The following TBX4 variants were observed in gnomAD, a reference collection of about 807,000 sequenced individuals.
TBX4 encodes T-box transcription factor 4.
A neutral mutation model predicts 54.6 loss-of-function variants in TBX4; 13 were observed. The ratio of observed to expected loss-of-function variants is 0.24; its 90% CI spans 0.15 to 0.38. The LOEUF is 0.38. Ranked by LOEUF, TBX4 falls within the 10% of genes least tolerant of loss-of-function variation. The pLI is 1.00. For synonymous variants in TBX4, 314 were observed against 306.7 expected (o/e 1.02, Z -0.25); for missense variants, 631 against 728.5 (o/e 0.87, Z 1.54).
chr17:61,466,160 C>T (rs1342525464), intron 4 of TBX4, among the ~76,000 whole-genome samples: 2 of 152,030 alleles, frequency 1.3e-5, no homozygotes, highest in Non-Finnish European at 2.9e-5. Flanking sequence ...AAAGCAGCTG[C>T]GTGTTTGGGA....
At position 61,472,778 on chromosome 17, in the gene TBX4, G is replaced by T. The variant is rs2060590204; in HGVS notation, c.549+5121G>T. On this transcript the variant is annotated intron_variant, in intron 5 of 8. Coordinates refer to ENST00000644296, the MANE Select transcript of TBX4 (RefSeq NM_001321120.2). This position sits in a 1 kb window ranked among gnomAD's most constrained non-coding sequence, Gnocchi z 4.5. ...AAATTTATCCTGGCATTGATTTGAG[G>T]TGTGAATCCAATTTTTTTTTTTTTT... Among the ~76,000 whole-genome samples the T allele has an allele frequency of 6.7e-6, 1 of 149,774 alleles. No homozygotes were observed. The highest frequency in any genetic ancestry group is 6.6e-5 in the Admixed American group (1 of 15,190).
rs763453760 is a variant in TBX4 at position 61,483,489 on chromosome 17, G to A, written c.1614G>A (p.Gly538=). ...CCTTACAGTACCATTCAGGAATGGG[G>A]ACTGTGGAGAACTGGACTGACGGAT... The part of the protein sequence containing the change: ...ESSLQYHSGM[G]TVENWTDG Residue 538 remains glycine, a synonymous_variant, in exon 9 of 9, where the codon GGG becomes GGA. Transcript: ENST00000644296. The surrounding 1 kb of genome is among the most constrained non-coding windows in gnomAD (Gnocchi z 6.6). 14 of 1,614,040 alleles carry A rather than the reference G, an allele frequency of 8.7e-6. No individual in the cohort carries two copies. In the South Asian group the frequency reaches 1.5e-4, roughly 18 times the overall value.
At chr17:61,453,123 A>T in intron 1 of TBX4, 1 of 472,716 alleles carries the variant, frequency 2.1e-6, no homozygotes, top group Non-Finnish European at 2.8e-6. Flanking sequence ...AGAAAGGGCT[A>T]ATCGGCATAA....
intron 3 of TBX4, among the ~76,000 whole-genome samples, chr17:61,463,925 G>A (rs1181692799): frequency 2.0e-5 from 3 of 152,200 alleles, no homozygotes; most frequent in Non-Finnish European, 2.9e-5. Flanking sequence ...CACCAGGAGA[G>A]AGGCAGGGCC....
intron 5 of TBX4, among the ~76,000 whole-genome samples, chr17:61,471,149 T>C (rs2060574869): frequency 6.6e-6 from 1 of 152,198 alleles, no homozygotes; most frequent in Non-Finnish European, 1.5e-5. Context: ...GCGACTTCCT[T>C]CTAGCCACTG....
rs868058770 is a variant in TBX4 at position 61,480,403 on chromosome 17, C to A, written c.1021+84C>A. 104 of 1,118,822 alleles carry A rather than the reference C, an allele frequency of 9.3e-5. No individual in the cohort carries two copies. Among genetic ancestry groups the A allele is most frequent in the Middle Eastern group, 5.3e-4 (2 of 3,750 alleles). 69.3% of individuals were successfully genotyped at this position (1,118,822 alleles called of 1,614,324 possible). Reference sequence around the variant, plus strand: ...GAAACCACTCTGCAGCGCCCCCCCCCCCAACACACACACACTCATCTCGTG... The same window carrying A: ...GAAACCACTCTGCAGCGCCCCCCCCACCAACACACACACACTCATCTCGTG... On this transcript the variant is annotated intron_variant, in intron 8 of 8. Coordinates refer to ENST00000644296, the MANE Select transcript of TBX4 (RefSeq NM_001321120.2). This position sits in a 1 kb window ranked among gnomAD's most constrained non-coding sequence, Gnocchi z 6.2.
rs1051226855 is a variant in TBX4 at position 61,459,934 on chromosome 17, C to T, written c.281+2303C>T. On this transcript the variant is annotated intron_variant, in intron 3 of 8. Coordinates refer to ENST00000644296, the MANE Select transcript of TBX4 (RefSeq NM_001321120.2). The surrounding 1 kb of genome is among the most constrained non-coding windows in gnomAD (Gnocchi z 4.8). ...CTGTATTGCTCTGATCTACGTTACT[C>T]AGGCTGTGGTTCTTCAACATCCTGT... is the stretch of plus-strand genomic sequence containing the variant. 1.3e-5 allele frequency among the ~76,000 whole-genome samples: 2 copies of T among 151,800 alleles called. No individual in the cohort carries two copies. The highest frequency in any genetic ancestry group is 4.8e-5 in the African/African-American group (2 of 41,280).
rs2060644076 is a variant in TBX4, at chr17:61,479,126, G to T, written c.702+347G>T. Among the ~76,000 whole-genome samples the T allele has an allele frequency of 6.6e-6, 1 of 152,146 alleles. No homozygotes were observed. The highest frequency in any genetic ancestry group is 6.5e-5 in the Admixed American group (1 of 15,270). On this transcript the variant is annotated intron_variant, in intron 6 of 8. Coordinates refer to ENST00000644296, the MANE Select transcript of TBX4 (RefSeq NM_001321120.2). This position sits in a 1 kb window ranked among gnomAD's most constrained non-coding sequence, Gnocchi z 6.1. ...GTTCTTTCTCCTGGTTCATCTCCTG[G>T]TGCCTTCAGAGACAGGGGTAGGGAA...
rs2060505607 is a variant in TBX4 at position 61,462,714 on chromosome 17, A to G, written c.282-3105A>G. 3.3e-5 allele frequency among the ~76,000 whole-genome samples: 5 copies of G among 152,164 alleles called. No individual in the cohort carries two copies. The highest frequency in any genetic ancestry group is 3.3e-4 in the Admixed American group (5 of 15,282). ...GTCTTCCTTCTTGGTCACCTCCCCC[A>G]CCCCAACACACAAACAGGGAGGCGT... On this transcript the variant is annotated intron_variant, in intron 3 of 8. Coordinates refer to ENST00000644296, the MANE Select transcript of TBX4 (RefSeq NM_001321120.2). The surrounding 1 kb of genome is among the most constrained non-coding windows in gnomAD (Gnocchi z 4.5).
rs891373055 is a variant in TBX4, at chr17:61,465,155, G to A, written c.282-664G>A. Among the ~76,000 whole-genome samples the A allele has an allele frequency of 7.2e-5, 11 of 152,136 alleles. No individual in the cohort carries two copies. Among genetic ancestry groups the A allele is most frequent in the Non-Finnish European group, 1.5e-4 (10 of 68,026 alleles). On this transcript the variant is annotated intron_variant, in intron 3 of 8. Coordinates refer to ENST00000644296, the MANE Select transcript of TBX4 (RefSeq NM_001321120.2). This position sits in a 1 kb window ranked among gnomAD's most constrained non-coding sequence, Gnocchi z 4.9. ...CTCTTATCCATGAGGCTCCTGGACCGACTTTCCCCTGATACTCAGGGTGCA... is the reference window on the plus strand; with the variant it reads ...CTCTTATCCATGAGGCTCCTGGACCAACTTTCCCCTGATACTCAGGGTGCA...
At chr17:61,469,971 A>C (rs989160654) in intron 5 of TBX4, among the ~76,000 whole-genome samples, 9 of 152,076 alleles carry the variant, frequency 5.9e-5, no homozygotes, top group Non-Finnish European at 1.0e-4. Context: ...GCCTCAAGGG[A>C]CTTTCTCCAG....
intron 1 of TBX4, among the ~76,000 whole-genome samples, chr17:61,454,323 G>A (rs1202204447): frequency 1.3e-5 from 2 of 152,266 alleles, no homozygotes; most frequent in African/African-American, 2.4e-5. Flanking sequence ...AAATGCTGTC[G>A]TCTTTGGAAA....
At chr17:61,463,763 G>A (rs1390661011) in intron 3 of TBX4, among the ~76,000 whole-genome samples, 1 of 152,230 alleles carries the variant, frequency 6.6e-6, no homozygotes, top group Non-Finnish European at 1.5e-5. Flanking sequence ...CCCGGTGCCA[G>A]GCCAGCCCAA....
chr17:61,459,501 C>T lies in TBX4; in HGVS notation c.281+1870C>T, dbSNP rs548166075. On this transcript the variant is annotated intron_variant, in intron 3 of 8. Transcript: ENST00000644296. This position sits in a 1 kb window ranked among gnomAD's most constrained non-coding sequence, Gnocchi z 4.8. ...TTGTCTCTTGAAAATAACTGGCCAG[C>T]ATGTTCTCTGGGCATGTCTGGCCTT... 8.2e-4 allele frequency among the ~76,000 whole-genome samples: 125 copies of T among 152,338 alleles called. No individual in the cohort carries two copies. Among genetic ancestry groups the T allele is most frequent in the African/African-American group, 2.9e-3 (121 of 41,568 alleles).
rs2060680635 is a variant in TBX4 at position 61,483,450 on chromosome 17, G to C, written c.1575G>C (p.Leu525Phe). 3 of 1,614,138 alleles carry C rather than the reference G, an allele frequency of 1.9e-6. No individual in the cohort carries two copies. In the South Asian group the frequency reaches 3.3e-5, roughly 18 times the overall value. ...NEFLYSQTFS[L>F]SRESSLQYHS... ...TTCTCTACTCTCAAACCTTCTCCTT[G>C]TCCCGAGAATCTTCCTTACAGTACC... is the stretch of plus-strand genomic sequence containing the variant. The change falls in exon 9 of 9, where the codon TTG becomes TTC. Residue 525 changes from leucine (L) to phenylalanine (F), a missense_variant. Physicochemically the swap from Leu to Phe is conservative, Grantham distance 22 (BLOSUM62 0). This residue lies in a region of TBX4 where 354 missense variants were observed against 368.9 expected (regional missense o/e 0.96). Coordinates refer to ENST00000644296, the MANE Select transcript of TBX4 (RefSeq NM_001321120.2). This position sits in a 1 kb window ranked among gnomAD's most constrained non-coding sequence, Gnocchi z 6.6.
In TBX4 at chr17:61,467,603, G is replaced by C. The variant is rs747092422; in HGVS notation, c.495G>C (p.Leu165=). Residue 165 remains leucine, a synonymous_variant, in exon 5 of 9, where the codon CTG becomes CTC. Coordinates refer to ENST00000644296, the MANE Select transcript of TBX4 (RefSeq NM_001321120.2). ...PATGAHWMRQ[L]VSFQKLKLTN... is the part of the protein sequence containing the mutation. ...CAGGAGCCCACTGGATGCGGCAGCT[G>C]GTCTCCTTCCAGAAGCTGAAGCTGA... 12 of 1,614,096 alleles carry C rather than the reference G, an allele frequency of 7.4e-6. No individual in the cohort carries two copies. Among genetic ancestry groups the C allele is most frequent in the South Asian group, 1.1e-5 (1 of 91,086 alleles).
rs746247653 is a variant in TBX4, at chr17:61,479,960, G to A, written c.782G>A (p.Arg261Gln). 16 of 1,613,934 alleles carry A rather than the reference G, an allele frequency of 9.9e-6. 1 individual carries two copies. Among genetic ancestry groups the A allele is most frequent in the Middle Eastern group, 1.6e-4 (1 of 6,062 alleles). ...GATGACAGTGACCTGCGTGTGGCCCGACTGCAGAGGTGGGGCTGCGTAGCC... is the reference window on the plus strand; with the variant it reads ...GATGACAGTGACCTGCGTGTGGCCCAACTGCAGAGGTGGGGCTGCGTAGCC... ...GSDDSDLRVARLQSKEYPVIS... is the reference protein window; with the variant it reads ...GSDDSDLRVAQLQSKEYPVIS... The change falls in exon 7 of 9, where the codon CGA (arginine) becomes CAA (glutamine). Residue 261 changes from arginine to glutamine, a missense_variant. Arg to Gln is a conservative substitution (Grantham distance 43). This residue lies in a region of TBX4 where 154 missense variants were observed against 238.6 expected (regional missense o/e 0.65). Transcript: ENST00000644296. The surrounding 1 kb of genome is among the most constrained non-coding windows in gnomAD (Gnocchi z 6.1).
At chr17:61,477,818 G>A (rs1478310988) in intron 5 of TBX4, among the ~76,000 whole-genome samples, 1 of 151,866 alleles carries the variant, frequency 6.6e-6, no homozygotes, top group African/African-American at 2.4e-5. Context: ...GAGCACACCT[G>A]TAATTTCAGC....
At position 61,475,628 on chromosome 17, in the gene TBX4, G is replaced by A. The variant is rs543321385; in HGVS notation, c.550-2999G>A. Among the ~76,000 whole-genome samples, 43 of 152,278 alleles carry A rather than the reference G, an allele frequency of 2.8e-4. No homozygotes were observed. Among genetic ancestry groups the A allele is most frequent in the South Asian group, 2.3e-3 (11 of 4,826 alleles). On this transcript the variant is annotated intron_variant, in intron 5 of 8. Transcript: ENST00000644296. This position sits in a 1 kb window ranked among gnomAD's most constrained non-coding sequence, Gnocchi z 5.0. ...AGTGGACCTGGAGGTGGATGACAGT[G>A]AGGAGGAGGGGAGTTGATGATGATA...
Sources: gnomAD v4.1 joint callset for allele counts (sites outside exome capture counted in the v4.1 genomes callset) on GRCh38, gnomAD v4.1.1 for gene constraint, gnomAD v4.1.1 regional missense constraint, Gnocchi (gnomAD v3.1) non-coding constraint, MANE v1.5 for transcripts, NCBI Gene and HGNC (gene_info 2026-07-23, HGNC 2026-07-21) for gene names.